Variants in RIF1 observed in about 807,000 individuals in gnomAD.
RIF1 encodes the protein telomere-associated protein RIF1.
In RIF1, 45 loss-of-function variants were observed where a neutral mutation model predicts 247.1. The observed-to-expected ratio is 0.18, with a 90% CI of 0.14 to 0.23. The LOEUF is 0.23. RIF1 is among the 10% of genes least tolerant of loss of function. The pLI is 1.00. For synonymous variants in RIF1, 1,087 were observed against 978.8 expected, an observed-to-expected ratio of 1.11 and a Z score of -2.06; for missense variants, 2,967 against 2,862.5, an observed-to-expected ratio of 1.04 and a Z score of -0.83.
chr2:151,507,895 T>A, exon 14 of RIF1: 1 of 722,788 alleles, frequency 1.4e-6, no homozygotes, highest in South Asian at 1.6e-5. Flanking sequence ...AGGATGGGAG[T>A]TGTGGAGGGC....
At chr2:151,494,809 C>T (rs572507208) in intron 9 of RIF1, among the ~76,000 whole-genome samples, 47 of 152,080 alleles carry the variant, frequency 3.1e-4, no homozygotes, top group African/African-American at 9.6e-4. Flanking sequence ...CCACCATGCC[C>T]GGCTAATTTT....
rs369174368 is a variant in RIF1 at position 151,491,703 on chromosome 2, C to G, written c.*416-3526C>G. The G allele has an allele frequency of 6.3e-7, 1 of 1,595,884 alleles. No homozygotes were observed. The highest frequency in any genetic ancestry group is 8.5e-7 in the Non-Finnish European group (1 of 1,170,504). On this transcript the variant is annotated intron_variant and NMD_transcript_variant, in intron 9 of 13. Transcript: ENST00000454583. ...CACACCATTAATCATGTGTAAGCTT[C>G]GGGACTGGATGTTGTCTTCTGCTGG...
At chr2:151,420,104 G>A (rs768237425) in intron 6 of RIF1, 86 bp from the exon 7 acceptor site, 20 of 1,104,578 alleles carry the variant, frequency 1.8e-5, no homozygotes, top group Non-Finnish European at 2.4e-5. Context: ...GCCGTACTGT[G>A]TATATTTCTG....
At chr2:151,467,263 C>T (rs1479266056) in intron 30 of RIF1, among the ~76,000 whole-genome samples, 2 of 152,038 alleles carry the variant, frequency 1.3e-5, no homozygotes, top group Non-Finnish European at 2.9e-5. Flanking sequence ...ATCCCTGTTA[C>T]TCTTATTCAT....
chr2:151,460,134 G>A lies in RIF1; in HGVS notation c.3075+15G>A. 1.3e-6 allele frequency: 2 copies of A among 1,506,026 alleles called. No individual in the cohort carries two copies. The allele number at this position is 1,506,026 out of a possible 1,614,324, so 93.3% of individuals were successfully genotyped here. On this transcript the variant is annotated intron_variant, in intron 26 of 35. Transcript: ENST00000444746. ...CAGCAGCCAAAGTATGTTTTCAAAAGTTTAATCAAAAATTTTAAGATAAAG... is the reference window on the plus strand; with the variant it reads ...CAGCAGCCAAAGTATGTTTTCAAAAATTTAATCAAAAATTTTAAGATAAAG...
intron 11 of RIF1, chr2:151,502,934 G>GTTA (rs1559298027): frequency 1.7e-6 from 2 of 1,150,036 alleles, no homozygotes; most frequent in Non-Finnish European, 2.5e-6. Context: ...CAGGCACAGA[G>GTTA]AGTAAGGAAG....
intron 10 of RIF1, chr2:151,496,233 T>C: frequency 6.7e-7 from 1 of 1,490,210 alleles, no homozygotes; most frequent in Non-Finnish European, 9.2e-7. Context: ...TAAAAGTAGT[T>C]TTTAAAATCA....
chr2:151,468,771 A>C lies in RIF1; in HGVS notation c.6941+15A>C, dbSNP rs376434607. ...TCAAACATGTGGTAAGTGGTTATTTAGGCTTCTTGCTTATATTCCAAGATG... is the reference window on the plus strand; with the variant it reads ...TCAAACATGTGGTAAGTGGTTATTTCGGCTTCTTGCTTATATTCCAAGATG... On this transcript the variant is annotated intron_variant, in intron 33 of 35. Coordinates refer to ENST00000444746, the MANE Select transcript of RIF1 (RefSeq NM_018151.5). The C allele has an allele frequency of 3.8e-5, 59 of 1,558,954 alleles. No homozygotes were observed. The Middle Eastern group carries it at 5.0e-4, about 13-fold the overall frequency.
At chr2:151,446,209 T>C (rs1013417702) in intron 19 of RIF1, among the ~76,000 whole-genome samples, 1 of 151,900 alleles carries the variant, frequency 6.6e-6, no homozygotes, top group Non-Finnish European at 1.5e-5. Context: ...GGTTTCGCCA[T>C]GTTGACCTCG....
Position 151,479,087 on chromosome 2 carries a change from AG to A in RIF1, c.*4017del, listed in dbSNP as rs879385240. On this transcript the variant is annotated 3_prime_UTR_variant, in exon 36 of 36. Coordinates refer to ENST00000444746, the MANE Select transcript of RIF1 (RefSeq NM_018151.5). ...GGGCCCCGTGAGTCTTTTTAAACAC[AG>A]TCCCAGGTGATTCATGCAGATGCCT... 1.3e-5 allele frequency: 2 copies of A among 152,222 alleles called. No homozygotes were observed. Among genetic ancestry groups the A allele is most frequent in the African/African-American group, 2.4e-5 (1 of 41,458 alleles). 9.4% of individuals were successfully genotyped at this position (152,222 alleles called of 1,614,324 possible). A position where few individuals can be genotyped will look rare whatever the true frequency, so the allele number is the denominator to read the frequency against.
the RIF1 span, among the ~76,000 whole-genome samples, chr2:151,522,914 C>G: frequency 6.6e-6 from 1 of 152,168 alleles, no homozygotes; most frequent in Non-Finnish European, 1.5e-5. Context: ...CCCAGGGCCA[C>G]ACCATGAAGC....
Position 151,468,129 on chromosome 2 carries a change from C to A in RIF1, c.6730C>A (p.Pro2244Thr), listed in dbSNP as rs759968474. The A allele has an allele frequency of 1.2e-5, 20 of 1,612,222 alleles. No individual in the cohort carries two copies. In the South Asian group the frequency reaches 1.7e-4, roughly 13 times the overall value. Reference protein sequence around the residue: ...SPIGKSVKTSPTTQSKHNTTS... With the variant: ...SPIGKSVKTSTTTQSKHNTTS... ...CATAGGAAAAAGTGTTAAAACTTCT[C>A]CTACTACACAATCTAAGGTAAGCTA... The change falls in exon 31 of 36, where the codon CCT (proline) becomes ACT (threonine). Residue 2244 changes from proline (P) to threonine (T), a missense_variant. Physicochemically the swap from Pro to Thr is conservative, Grantham distance 38. Coordinates refer to ENST00000444746, the MANE Select transcript of RIF1 (RefSeq NM_018151.5).
intron 10 of RIF1, among the ~76,000 whole-genome samples, chr2:151,434,179 A>T: frequency 6.6e-6 from 1 of 151,764 alleles, no homozygotes; most frequent in African/African-American, 2.4e-5. Context: ...AAAAAAAAAA[A>T]AAAGAGAGAA....
At chr2:151,427,247 T>G (rs1206846058) in intron 8 of RIF1, among the ~76,000 whole-genome samples, 5 of 151,922 alleles carry the variant, frequency 3.3e-5, no homozygotes, top group Middle Eastern at 3.4e-3. Flanking sequence ...AGTTTCACTC[T>G]TGTTGCCCAG....
intron 9 of RIF1, chr2:151,494,350 G>T: frequency 2.4e-6 from 2 of 818,724 alleles, no homozygotes; most frequent in Non-Finnish European, 2.0e-6. Flanking sequence ...TATCTTTAGG[G>T]CCCCAAACCA....
chr2:151,424,103 G>GT (rs546772754), intron 8 of RIF1, among the ~76,000 whole-genome samples: 1 of 152,176 alleles, frequency 6.6e-6, no homozygotes, highest in East Asian at 1.9e-4. Flanking sequence ...TAAGCATAAA[G>GT]TTTTTTTATT....
At position 151,435,600 on chromosome 2, in the gene RIF1, G is replaced by GT. The variant is rs777584756; in HGVS notation, c.1195+26dup. The stretch of plus-strand genomic sequence containing the variant: ...ACAAAGGTAAGAGGTAGATATTCTT[G>GT]TTTTTTGCTTTTTTAATCAGGCTTT... On this transcript the variant is annotated intron_variant, in intron 11 of 35. Transcript: ENST00000444746. The GT allele has an allele frequency of 5.7e-6, 8 of 1,402,500 alleles. No individual in the cohort carries two copies. The highest frequency in any genetic ancestry group is 4.7e-5 in the South Asian group (4 of 85,580). 86.9% of individuals were successfully genotyped at this position (1,402,500 alleles called of 1,614,324 possible). A position where few individuals can be genotyped will look rare whatever the true frequency, so the allele number is the denominator to read the frequency against.
chr2:151,511,587 A>C (rs2074388079), downstream of RIF1, among the ~76,000 whole-genome samples: 2 of 152,220 alleles, frequency 1.3e-5, no homozygotes, highest in Non-Finnish European at 1.5e-5. Flanking sequence ...AGGGCACGTT[A>C]ACTATGGCTT....
downstream of RIF1, among the ~76,000 whole-genome samples, chr2:151,511,115 C>G (rs1001698001): frequency 1.3e-5 from 2 of 152,210 alleles, no homozygotes; most frequent in Non-Finnish European, 2.9e-5. Context: ...CATGCTGAAG[C>G]TTTCGTTAAA....
Sources: gnomAD v4.1 joint callset for allele counts (sites outside exome capture counted in the v4.1 genomes callset) on GRCh38, gnomAD v4.1.1 for gene constraint, MANE v1.5 for transcripts, NCBI Gene and HGNC (gene_info 2026-07-23, HGNC 2026-07-21) for gene names.